The following PRDX6 variants were observed in gnomAD, a reference collection of about 807,000 sequenced individuals.
PRDX6 encodes the protein peroxiredoxin 6, also known as peroxiredoxin-6.
A neutral mutation model predicts 20.0 loss-of-function variants in PRDX6; 13 were observed. That is an observed-to-expected ratio of 0.65 (90% CI 0.42 to 1.03). The LOEUF is 1.03. PRDX6 is among the 50% of genes least tolerant of loss of function. The pLI is 0.00. For synonymous variants in PRDX6, 85 were observed against 100.8 expected (o/e 0.84, Z 0.94); for missense variants, 203 against 276.9 (o/e 0.73, Z 1.89).
In PRDX6 at chr1:173,477,387, T is replaced by G. The variant is rs1179713213; in HGVS notation, c.-11T>G. The G allele has an allele frequency of 6.3e-7, 1 of 1,576,578 alleles. No individual in the cohort carries two copies. Among genetic ancestry groups the G allele is most frequent in the African/African-American group, 1.4e-5 (1 of 72,486 alleles). On this transcript the variant is annotated 5_prime_UTR_variant, in exon 1 of 5. Transcript: ENST00000340385. ...TTGCTGTCCCAGCGGCGCCCCCTCA[T>G]CACCGTCGCCATGCCCGGAGGTCTG...
At chr1:173,484,601 A>AT (rs985131719) in intron 2 of PRDX6, among the ~76,000 whole-genome samples, 21 of 150,576 alleles carry the variant, frequency 1.4e-4, no homozygotes, top group Middle Eastern at 3.4e-3. Flanking sequence ...ACAAAACTAG[A>AT]TTTTTTTTTT....
At chr1:173,484,608 T>G (rs1418554585) in intron 2 of PRDX6, among the ~76,000 whole-genome samples, 1 of 152,168 alleles carries the variant, frequency 6.6e-6, no homozygotes, top group Non-Finnish European at 1.5e-5. Context: ...TAGATTTTTT[T>G]TTTCTCCAAA....
rs760556063 is a variant in PRDX6 at position 173,477,431 on chromosome 1, C to T, written c.34C>T (p.Pro12Ser). Residue 12 changes from proline (P) to serine (S), a missense_variant, in exon 1 of 5, where the codon CCC (proline) becomes TCC (serine). Coordinates refer to ENST00000340385, the MANE Select transcript of PRDX6 (RefSeq NM_004905.3). ...AGGTCTGCTTCTCGGGGACGTGGCT[C>T]CCAACTTTGAGGCCAATACCACCGT... ...PGGLLLGDVA[P>S]NFEANTTVGR... 5 of 1,608,792 alleles carry T rather than the reference C, an allele frequency of 3.1e-6. No homozygotes were observed. Among genetic ancestry groups the T allele is most frequent in the South Asian group, 1.1e-5 (1 of 90,394 alleles).
intron 3 of PRDX6, among the ~76,000 whole-genome samples, chr1:173,485,839 GCT>G (rs1389876335): frequency 6.6e-6 from 1 of 152,160 alleles, no homozygotes; most frequent in Admixed American, 6.5e-5. Flanking sequence ...TCATAAGGCA[GCT>G]CTGTTTTAAA....
Position 173,487,925 on chromosome 1 carries a change from C to G in PRDX6, c.*62C>G. 7 of 1,596,884 alleles carry G rather than the reference C, an allele frequency of 4.4e-6. 1 individual carries two copies. In the South Asian group the frequency reaches 6.7e-5, roughly 15 times the overall value. On this transcript the variant is annotated 3_prime_UTR_variant, in exon 5 of 5. Transcript: ENST00000340385. Reference sequence around the variant, plus strand: ...GTCAGCTGCCAATTGTGTTTTCCTGCAGCAATTCCATAAACACATCCTGGT... The same window carrying G: ...GTCAGCTGCCAATTGTGTTTTCCTGGAGCAATTCCATAAACACATCCTGGT...
Position 173,485,444 on chromosome 1 carries a change from C to A in PRDX6, c.336C>A (p.Ile112=). The part of the protein sequence containing the change: ...IIDDRNRELA[I]LLGMLDPAEK... ...ATGATAGGAATCGGGAGCTTGCCAT[C>A]CTGTTGGGCATGCTGGATCCAGCAG... Residue 112 remains isoleucine (I), a synonymous_variant, in exon 3 of 5, where the codon ATC becomes ATA. Coordinates refer to ENST00000340385, the MANE Select transcript of PRDX6 (RefSeq NM_004905.3). The A allele has an allele frequency of 6.2e-7, 1 of 1,610,964 alleles. No homozygotes were observed. The highest frequency in any genetic ancestry group is 8.5e-7 in the Non-Finnish European group (1 of 1,178,556).
chr1:173,483,227 T>G (rs1658832884), intron 2 of PRDX6, among the ~76,000 whole-genome samples: 1 of 152,212 alleles, frequency 6.6e-6, no homozygotes, highest in South Asian at 2.1e-4. Context: ...AGCTTCTGCC[T>G]TAGAAGTTTT....
chr1:173,478,928 G>A (rs938480291), intron 1 of PRDX6, among the ~76,000 whole-genome samples: 1 of 152,136 alleles, frequency 6.6e-6, no homozygotes, highest in Non-Finnish European at 1.5e-5. Context: ...TAGAAATACA[G>A]CTTATGGCCA....
intron 2 of PRDX6, chr1:173,481,707 C>A: frequency 2.0e-6 from 1 of 507,904 alleles, no homozygotes. Context: ...CCCAGCTGAT[C>A]ACTGTACCTC....
chr1:173,487,389 T>C lies in PRDX6; in HGVS notation c.547-346T>C, dbSNP rs114384766. Reference sequence around the variant, plus strand: ...AGGAATACAAGGAAAGCTAGCATGCTTGGAGAAGAAGCTGCAGAAGGTGGG... The same window carrying C: ...AGGAATACAAGGAAAGCTAGCATGCCTGGAGAAGAAGCTGCAGAAGGTGGG... On this transcript the variant is annotated intron_variant, in intron 4 of 4. Transcript: ENST00000340385. Among the ~76,000 whole-genome samples, 1,438 of 152,256 alleles carry C rather than the reference T, an allele frequency of 9.4e-3. 21 individuals carry two copies. The highest frequency in any genetic ancestry group is 0.032 in the African/African-American group (1,317 of 41,532).
rs1315543581 is a variant in PRDX6 at position 173,485,387 on chromosome 1, G to A, written c.279G>A (p.Glu93=). ...SKDINAYNCE[E]PTEKLPFPII... ...ATATCAATGCTTACAATTGTGAAGA[G>A]CCCACAGAAAAGTTACCTTTTCCCA... Residue 93 remains glutamate, a synonymous_variant, in exon 3 of 5, where the codon GAG becomes GAA. Transcript: ENST00000340385. The A allele has an allele frequency of 6.2e-7, 1 of 1,604,400 alleles. No individual in the cohort carries two copies. Among genetic ancestry groups the A allele is most frequent in the Non-Finnish European group, 8.5e-7 (1 of 1,175,154 alleles).
chr1:173,477,358 T>G lies in PRDX6; in HGVS notation c.-40T>G. On this transcript the variant is annotated 5_prime_UTR_variant, in exon 1 of 5. Transcript: ENST00000340385. ...CTGCTTCTTCGCCAGAACCAACCGG[T>G]TGCTTGCTGTCCCAGCGGCGCCCCC... 2 of 1,431,692 alleles carry G rather than the reference T, an allele frequency of 1.4e-6. No homozygotes were observed. Among genetic ancestry groups the G allele is most frequent in the East Asian group, 3.1e-5 (1 of 32,464 alleles). The allele number at this position is 1,431,692 out of a possible 1,614,324, so 88.7% of individuals were successfully genotyped here.
At position 173,488,541 on chromosome 1, in the gene PRDX6, A is replaced by C. The variant is rs1388637017; in HGVS notation, c.*678A>C. Reference sequence around the variant, plus strand: ...ATAAAAAAATTTGTGATAAGTTTCTATCAAAATGGGGAGATTGCAGAAAAG... The same window carrying C: ...ATAAAAAAATTTGTGATAAGTTTCTCTCAAAATGGGGAGATTGCAGAAAAG... On this transcript the variant is annotated 3_prime_UTR_variant, in exon 5 of 5. Coordinates refer to ENST00000340385, the MANE Select transcript of PRDX6 (RefSeq NM_004905.3). 6.6e-6 allele frequency: 1 copy of C among 152,226 alleles called. No individual in the cohort carries two copies. Among genetic ancestry groups the C allele is most frequent in the Non-Finnish European group, 1.5e-5 (1 of 68,038 alleles). The allele number at this position is 152,226 out of a possible 1,614,324, so 9.4% of individuals were successfully genotyped here. A position where few individuals can be genotyped will look rare whatever the true frequency, so the allele number is the denominator to read the frequency against.
intron 3 of PRDX6, 124 bp downstream of exon 3, chr1:173,485,631 G>A (rs563787375): frequency 3.0e-4 from 275 of 914,238 alleles, no homozygotes; most frequent in Non-Finnish European, 3.9e-4. Flanking sequence ...GTGTATTGGC[G>A]ACAATATCAC....
rs1290811395 is a variant in PRDX6, at chr1:173,488,356, T to G, written c.*493T>G. 6.5e-6 allele frequency: 1 copy of G among 152,860 alleles called. No individual in the cohort carries two copies. The highest frequency in any genetic ancestry group is 1.5e-5 in the Non-Finnish European group (1 of 68,506). The allele number at this position is 152,860 out of a possible 1,614,324, so 9.5% of individuals were successfully genotyped here. On this transcript the variant is annotated 3_prime_UTR_variant, in exon 5 of 5. Coordinates refer to ENST00000340385, the MANE Select transcript of PRDX6 (RefSeq NM_004905.3). ...TAACCCAGATGCGCTTTAATTTTTT[T>G]TAATATGTTTTGATCACAGAACTTC...
chr1:173,485,504 TGTGGTAG>T lies in PRDX6; in HGVS notation c.399_399+6del. On this transcript the variant is annotated splice_donor_variant and splice_donor_region_variant and coding_sequence_variant and intron_variant, in exon 3 of 5. Transcript: ENST00000340385. LOFTEE classifies it high-confidence loss of function. ...AAAAGGGCATGCCTGTGACAGCTCGTGTGGTAGGTCATACAAATTCATTTTGTAGTTA... is the reference window on the plus strand; with the variant it reads ...AAAAGGGCATGCCTGTGACAGCTCGTGTCATACAAATTCATTTTGTAGTTA... 6.3e-7 allele frequency: 1 copy of T among 1,590,888 alleles called. No individual in the cohort carries two copies. Among genetic ancestry groups the T allele is most frequent in the Non-Finnish European group, 8.6e-7 (1 of 1,167,252 alleles).
rs1467626880 is a variant in PRDX6, at chr1:173,485,466, G to A, written c.358G>A (p.Ala120Thr). Residue 120 changes from alanine to threonine, a missense_variant, in exon 3 of 5, where the codon GCA (alanine) becomes ACA (threonine). By Grantham distance (58) the Ala-to-Thr change is moderately conservative. Coordinates refer to ENST00000340385, the MANE Select transcript of PRDX6 (RefSeq NM_004905.3). ...CATCCTGTTGGGCATGCTGGATCCA[G>A]CAGAGAAGGATGAAAAGGGCATGCC... is the stretch of plus-strand genomic sequence containing the variant. ...LAILLGMLDP[A>T]EKDEKGMPVT... 20 of 1,609,090 alleles carry A rather than the reference G, an allele frequency of 1.2e-5. No homozygotes were observed. The highest frequency in any genetic ancestry group is 1.7e-5 in the Admixed American group (1 of 59,144).
At position 173,488,034 on chromosome 1, in the gene PRDX6, T is replaced by C. The variant is rs905661905; in HGVS notation, c.*171T>C. ...ACTAAAAGTTTCTTGAGATTCTTTA[T>C]ACTCTCTGCCTTCAGCAATCAATTC... is the stretch of plus-strand genomic sequence containing the variant. On this transcript the variant is annotated 3_prime_UTR_variant, in exon 5 of 5. Transcript: ENST00000340385. 2.9e-6 allele frequency: 2 copies of C among 694,246 alleles called. No individual in the cohort carries two copies. Among genetic ancestry groups the C allele is most frequent in the Admixed American group, 3.0e-5 (1 of 33,800 alleles). The allele number at this position is 694,246 out of a possible 1,614,324, so 43.0% of individuals were successfully genotyped here.
chr1:173,481,170 G>T (rs1296649813), intron 1 of PRDX6, 156 bp from the exon 2 acceptor site: 12 of 700,144 alleles, frequency 1.7e-5, no homozygotes, highest in Non-Finnish European at 2.8e-5. Context: ...AGATTGAAAA[G>T]CACTCCTCAA....
Sources: gnomAD v4.1 joint callset for allele counts (sites outside exome capture counted in the v4.1 genomes callset) on GRCh38, gnomAD v4.1.1 for gene constraint, MANE v1.5 for transcripts, NCBI Gene and HGNC (gene_info 2026-07-23, HGNC 2026-07-21) for gene names.